Variants in AFF2 observed in about 807,000 individuals in gnomAD.
AFF2 encodes the protein AF4/FMR2 family member 2.
A neutral mutation model predicts 76.9 loss-of-function variants in AFF2; 14 were observed. That is an observed-to-expected ratio of 0.18 (90% CI 0.12 to 0.28). The LOEUF (loss-of-function observed/expected upper bound fraction) is 0.28, where lower values mean the gene tolerates loss of function less well. AFF2 is among the 10% of genes least tolerant of loss of function. AFF2 has a pLI of 1.00. For synonymous variants in AFF2, 398 were observed against 366.7 expected, an observed-to-expected ratio of 1.09 and a Z score of -0.98; for missense variants, 868 against 1,001.1, an observed-to-expected ratio of 0.87 and a Z score of 1.79.
intron 1 of AFF2, among the ~76,000 whole-genome samples, chrX:148,638,333 C>A (rs782653180): frequency 4.5e-5 from 5 of 110,885 alleles, no homozygotes; most frequent in African/African-American, 1.6e-4. Flanking sequence ...GAAGGGGAAG[C>A]AAGGCATGTC....
At chrX:148,985,285 C>CATTTTTTTTTTT (rs2072453279) in intron 19 of AFF2, among the ~76,000 whole-genome samples, 1 of 15,383 alleles carries the variant, frequency 6.5e-5, no homozygotes, top group Non-Finnish European at 1.2e-4. Flanking sequence ...TGTGCCTGGC[C>CATTTTTTTTTTT]TTTTTTTTTT....
intron 4 of AFF2, among the ~76,000 whole-genome samples, chrX:148,829,287 A>G (rs957142036): frequency 8.9e-6 from 1 of 112,205 alleles, no homozygotes; most frequent in African/African-American, 3.2e-5. Flanking sequence ...CTTGCATGGA[A>G]ATCAGAGGAG....
intron 1 of AFF2, among the ~76,000 whole-genome samples, chrX:148,528,176 A>G (rs1012636972): frequency 8.9e-6 from 1 of 112,166 alleles, no homozygotes; most frequent in Non-Finnish European, 1.9e-5. Flanking sequence ...TTACCTCTGG[A>G]AAAGAAAGAA....
At chrX:148,550,437 A>G (rs1285787587) in intron 1 of AFF2, among the ~76,000 whole-genome samples, 2 of 111,485 alleles carry the variant, frequency 1.8e-5, no homozygotes, top group Non-Finnish European at 3.8e-5. Context: ...CTTTTTTGAA[A>G]TTTCTAATTT....
chrX:148,577,303 A>G (rs1460714703), intron 1 of AFF2, among the ~76,000 whole-genome samples: 1 of 112,418 alleles, frequency 8.9e-6, no homozygotes, highest in African/African-American at 3.2e-5. Flanking sequence ...GTGTGCGCGC[A>G]CACACGTGCG....
intron 1 of AFF2, among the ~76,000 whole-genome samples, chrX:148,579,999 G>A (rs782279551): frequency 1.3e-4 from 15 of 111,571 alleles, no homozygotes; most frequent in Admixed American, 3.8e-4. Context: ...TCACTATTGT[G>A]CAGATAGTGC....
intron 1 of AFF2, among the ~76,000 whole-genome samples, chrX:148,646,895 G>A (rs782029533): frequency 6.2e-5 from 7 of 112,007 alleles, no homozygotes; most frequent in Non-Finnish European, 1.3e-4. Flanking sequence ...AATAATGATG[G>A]CCTGTTTTGA....
intron 1 of AFF2, among the ~76,000 whole-genome samples, chrX:148,555,007 C>T (rs1010557183): frequency 8.9e-6 from 1 of 112,510 alleles, no homozygotes; most frequent in Admixed American, 9.4e-5. Flanking sequence ...TTAGCCCTGT[C>T]TCTGCCATTC....
At chrX:148,662,868 T>TGA in intron 3 of AFF2, 100 bp downstream of exon 3, 1 of 915,924 alleles carries the variant, frequency 1.1e-6, no homozygotes, top group Non-Finnish European at 1.5e-6. Flanking sequence ...TTTACCTTAA[T>TGA]GAGCTGTATA....
intron 3 of AFF2, among the ~76,000 whole-genome samples, chrX:148,730,666 G>A (rs895575730): frequency 8.9e-6 from 1 of 112,693 alleles, no homozygotes; most frequent in Non-Finnish European, 1.9e-5. Context: ...GGGCTTGGTT[G>A]GCCAGTATTA....
At chrX:148,551,728 G>A (rs925851761) in intron 1 of AFF2, among the ~76,000 whole-genome samples, 9 of 111,270 alleles carry the variant, frequency 8.1e-5, no homozygotes, top group Non-Finnish European at 1.5e-4. Context: ...CCAAAAACAG[G>A]GCCAATCAAG....
chrX:148,718,966 T>C (rs919503007), intron 3 of AFF2: 2 of 658,289 alleles, frequency 3.0e-6, no homozygotes, highest in South Asian at 9.3e-5. Flanking sequence ...TAAGAATGGA[T>C]GGAGGAAGCT....
intron 3 of AFF2, among the ~76,000 whole-genome samples, chrX:148,680,492 A>G (rs1306339139): frequency 9.0e-6 from 1 of 111,511 alleles, no homozygotes; most frequent in Non-Finnish European, 1.9e-5. Context: ...TCAAAGATCA[A>G]GAGTAGGAGT....
At chrX:148,690,381 C>A (rs1274820635) in intron 3 of AFF2, among the ~76,000 whole-genome samples, 3 of 112,222 alleles carry the variant, frequency 2.7e-5, no homozygotes, top group Non-Finnish European at 1.9e-5. Flanking sequence ...ACCATAGAAT[C>A]ATAGAACCAC....
rs368288480 is a variant in AFF2 at position 148,978,026 on chromosome X, A to T, written c.3476+22A>T. The T allele has an allele frequency of 8.0e-6, 9 of 1,125,091 alleles. No homozygotes were observed. In the Middle Eastern group the frequency reaches 2.2e-3, roughly 271 times the overall value. 92.7% of individuals were successfully genotyped at this position (1,125,091 alleles called of 1,213,427 possible). ...TATGGTGAGTCCCATGGAGGCCACA[A>T]GGAAATTGCTGAAATGTCATGGAAG... On this transcript the variant is annotated intron_variant, in intron 17 of 20. Transcript: ENST00000370460.
intron 3 of AFF2, among the ~76,000 whole-genome samples, chrX:148,802,322 G>C (rs191183834): frequency 8.9e-5 from 10 of 112,124 alleles, no homozygotes; most frequent in African/African-American, 1.6e-4. Context: ...ATGTGTGTGT[G>C]TGTGTGCCAG....
chrX:148,643,559 T>C (rs1294904199), intron 1 of AFF2, among the ~76,000 whole-genome samples: 2 of 112,005 alleles, frequency 1.8e-5, no homozygotes, highest in Non-Finnish European at 3.8e-5. Flanking sequence ...AATGATTTTC[T>C]ATAAAAATGG....
intron 3 of AFF2, among the ~76,000 whole-genome samples, chrX:148,689,430 C>A (rs1365391315): frequency 9.0e-6 from 1 of 110,762 alleles, no homozygotes; most frequent in Non-Finnish European, 1.9e-5. Flanking sequence ...GCCTGTCTTA[C>A]GAGATATGAA....
intron 1 of AFF2, among the ~76,000 whole-genome samples, chrX:148,525,303 C>G (rs1324757672): frequency 9.0e-6 from 1 of 111,091 alleles, no homozygotes; most frequent in Non-Finnish European, 1.9e-5. Context: ...TAAACTCCAG[C>G]CAATGTCAAT....
Sources: allele counts gnomAD v4.1 joint callset (sites outside exome capture counted in the v4.1 genomes callset), GRCh38; gene constraint gnomAD v4.1.1; transcripts MANE v1.5; gene names NCBI Gene and HGNC (gene_info 2026-07-23, HGNC 2026-07-21).